NAALAD2: variants seen among roughly 807,000 people sequenced by gnomAD.
NAALAD2 encodes N-acetylated alpha-linked acidic dipeptidase 2, also known as N-acetylated-alpha-linked acidic dipeptidase 2.
In NAALAD2, 89 loss-of-function variants were observed where a neutral mutation model predicts 95.6. The observed-to-expected ratio is 0.93, with a 90% CI of 0.78 to 1.11. NAALAD2 has a LOEUF of 1.11. Among genes scored for constraint, NAALAD2 ranks in the 50% least tolerant of loss-of-function variants. The pLI, the probability that NAALAD2 is intolerant of heterozygous loss-of-function variation, is 0.00. For synonymous variants in NAALAD2, 264 were observed against 294.4 expected, an observed-to-expected ratio of 0.90 and a Z score of 1.06; for missense variants, 894 against 872.4, an observed-to-expected ratio of 1.02 and a Z score of -0.31.
chr11:90,171,263 A>T (rs377227657), intron 13 of NAALAD2, among the ~76,000 whole-genome samples: 1 of 152,182 alleles, frequency 6.6e-6, no homozygotes, highest in African/African-American at 2.4e-5. Flanking sequence ...TATGAAGTAG[A>T]TATCACTTCT....
At chr11:90,139,359 TC>T (rs1322298884) in intron 2 of NAALAD2, among the ~76,000 whole-genome samples, 1 of 152,158 alleles carries the variant, frequency 6.6e-6, no homozygotes, top group African/African-American at 2.4e-5. Flanking sequence ...ACAGTAGAAT[TC>T]GCCTATCCCT....
intron 2 of NAALAD2, among the ~76,000 whole-genome samples, chr11:90,143,083 A>G (rs763156231): frequency 3.3e-5 from 5 of 152,116 alleles, no homozygotes; most frequent in Non-Finnish European, 7.4e-5. Flanking sequence ...ATGTTATATT[A>G]ATGTTATATT....
chr11:90,147,276 C>A, intron 2 of NAALAD2, 54 bp from the exon 3 acceptor site: 1 of 1,376,170 alleles, frequency 7.3e-7, no homozygotes, highest in South Asian at 1.3e-5. Flanking sequence ...AGTTCTTAGG[C>A]ACATCGTCTG....
intron 18 of NAALAD2, among the ~76,000 whole-genome samples, chr11:90,183,873 T>A (rs577454744): frequency 2.0e-5 from 3 of 152,172 alleles, no homozygotes; most frequent in Middle Eastern, 3.2e-3. Context: ...GATGGTTTTA[T>A]CAGAAAACAA....
intron 2 of NAALAD2, among the ~76,000 whole-genome samples, chr11:90,138,552 T>A (rs533911284): frequency 3.9e-5 from 6 of 152,162 alleles, no homozygotes; most frequent in Admixed American, 3.9e-4. Flanking sequence ...TCTGCCAGAT[T>A]GTCTAATATC....
chr11:90,162,850 T>A, intron 8 of NAALAD2, 99 bp from the exon 9 acceptor site: 1 of 673,684 alleles, frequency 1.5e-6, no homozygotes, highest in Non-Finnish European at 2.5e-6. Context: ...GCACAGCTTT[T>A]CATAATAAAA....
At position 90,185,682 on chromosome 11, in the gene NAALAD2, AG is replaced by A. The variant is rs1481994830; in HGVS notation, c.2033+2675del. On this transcript the variant is annotated intron_variant, in intron 18 of 18. Transcript: ENST00000534061. Reference sequence around the variant, plus strand: ...ATTTTTTTTCATTTTTTTAGATAAAAGATTTGACTCTTGTGAAAATATCTAC... The same window carrying A: ...ATTTTTTTTCATTTTTTTAGATAAAAATTTGACTCTTGTGAAAATATCTAC... Among the ~76,000 whole-genome samples the A allele has an allele frequency of 3.9e-5, 6 of 152,182 alleles. No individual in the cohort carries two copies. In the East Asian group the frequency reaches 1.2e-3, roughly 29 times the overall value.
At chr11:90,190,791 TACTG>T (rs755789768) in intron 18 of NAALAD2, among the ~76,000 whole-genome samples, 3 of 152,184 alleles carry the variant, frequency 2.0e-5, no homozygotes. Flanking sequence ...TAATCATTAA[TACTG>T]ACTTATATGG....
chr11:90,173,985 C>A, intron 14 of NAALAD2, 70 bp downstream of exon 14: 3 of 1,031,640 alleles, frequency 2.9e-6, no homozygotes, highest in South Asian at 1.4e-5. Context: ...CTTGTTTCTC[C>A]AAGCATGAAA....
intron 2 of NAALAD2, among the ~76,000 whole-genome samples, chr11:90,139,142 A>G (rs551710551): frequency 3.3e-5 from 5 of 152,248 alleles, no homozygotes; most frequent in African/African-American, 9.6e-5. Context: ...TTAAAAGGCA[A>G]TCCCTTCCTG....
At chr11:90,163,457 G>A (rs1249679834) in intron 10 of NAALAD2, 28 bp downstream of exon 10, 13 of 1,612,458 alleles carry the variant, frequency 8.1e-6, no homozygotes, top group Non-Finnish European at 1.0e-5. Flanking sequence ...CCTAGGTGAT[G>A]ACAAAAAGTG....
chr11:90,154,879 C>T (rs1273867094), intron 6 of NAALAD2, among the ~76,000 whole-genome samples: 3 of 108,446 alleles, frequency 2.8e-5, no homozygotes, highest in African/African-American at 4.1e-5. Context: ...TATACGTATA[C>T]ATAATATATG....
chr11:90,142,664 A>G (rs1456633167), intron 2 of NAALAD2, among the ~76,000 whole-genome samples: 1 of 151,902 alleles, frequency 6.6e-6, no homozygotes. Context: ...TTTTTTATCC[A>G]CTCTGGTAAC....
At chr11:90,139,815 T>A (rs1951559314) in intron 2 of NAALAD2, among the ~76,000 whole-genome samples, 1 of 151,862 alleles carries the variant, frequency 6.6e-6, no homozygotes, top group South Asian at 2.1e-4. Flanking sequence ...AGTTTTCACA[T>A]TTGCAGGCAT....
At chr11:90,132,399 C>G (rs1385016328), upstream of NAALAD2, among the ~76,000 whole-genome samples, 1 of 152,172 alleles carries the variant, frequency 6.6e-6, no homozygotes, top group Non-Finnish European at 1.5e-5. Flanking sequence ...TTTCTACCTT[C>G]TCTTTCTTCA....
At chr11:90,173,942 A>C (rs756171381) in intron 14 of NAALAD2, 27 bp downstream of exon 14, 75 of 1,435,016 alleles carry the variant, frequency 5.2e-5, no homozygotes, top group Non-Finnish European at 7.0e-5. Context: ...CACCTTTTCT[A>C]CTGTAGGATA....
intron 6 of NAALAD2, among the ~76,000 whole-genome samples, chr11:90,157,912 G>T (rs1355906714): frequency 6.6e-6 from 1 of 151,972 alleles, no homozygotes; most frequent in Non-Finnish European, 1.5e-5. Context: ...GTAGAGACGG[G>T]GTTTCACCAT....
At chr11:90,140,906 T>C (rs1951595756) in intron 2 of NAALAD2, among the ~76,000 whole-genome samples, 1 of 152,136 alleles carries the variant, frequency 6.6e-6, no homozygotes, top group Non-Finnish European at 1.5e-5. Context: ...AAGGTTTAGG[T>C]TGAGTTTATT....
At chr11:90,165,414 G>T (rs10732446) in intron 11 of NAALAD2, among the ~76,000 whole-genome samples, 68,672 of 151,966 alleles carry the variant, frequency 0.45, 16,569 homozygotes, top group African/African-American at 0.62. Context: ...CCATCTGCTA[G>T]TTATCATTTA....
Sources: gnomAD v4.1 joint callset for allele counts (sites outside exome capture counted in the v4.1 genomes callset) on GRCh38, gnomAD v4.1.1 for gene constraint, MANE v1.5 for transcripts, NCBI Gene and HGNC (gene_info 2026-07-23, HGNC 2026-07-21) for gene names.